PDS5B: variants seen among roughly 807,000 people sequenced by gnomAD.
The protein encoded by PDS5B is sister chromatid cohesion protein PDS5 homolog B.
PDS5B carries 51 observed loss-of-function variants against 184.1 expected under a neutral mutation model. That is an observed-to-expected ratio of 0.28 (90% CI 0.22 to 0.35). The LOEUF (loss-of-function observed/expected upper bound fraction) is 0.35. Among genes scored for constraint, PDS5B ranks in the 10% least tolerant of loss-of-function variants. The pLI is 1.00. For missense variants in PDS5B, 1,180 were observed against 1,723.3 expected, an observed-to-expected ratio of 0.68 and a Z score of 5.58; for synonymous variants, 566 against 569.2, an observed-to-expected ratio of 0.99 and a Z score of 0.08.
At chr13:32,634,477 T>C (rs747035784) in intron 1 of PDS5B, among the ~76,000 whole-genome samples, 2 of 152,228 alleles carry the variant, frequency 1.3e-5, no homozygotes, top group African/African-American at 2.4e-5. Context: ...TTATGAATAA[T>C]ACTGCCATGA....
intron 6 of PDS5B, among the ~76,000 whole-genome samples, chr13:32,663,124 TAGC>T (rs1388546607): frequency 6.6e-6 from 1 of 152,106 alleles, no homozygotes; most frequent in Admixed American, 6.6e-5. Flanking sequence ...GCAACGATAA[TAGC>T]AGCAAAAATA....
intron 22 of PDS5B, among the ~76,000 whole-genome samples, chr13:32,742,234 G>A (rs1266385012): frequency 6.6e-6 from 1 of 152,040 alleles, no homozygotes; most frequent in African/African-American, 2.4e-5. Flanking sequence ...AAATATGAGT[G>A]GTATCATTTT....
chr13:32,766,224 G>GTAC lies in PDS5B; in HGVS notation c.3624+1634_3624+1636dup, dbSNP rs535882311. 5.9e-3 allele frequency among the ~76,000 whole-genome samples: 901 copies of GTAC among 152,306 alleles called. 8 individuals carry two copies. Among genetic ancestry groups the GTAC allele is most frequent in the South Asian group, 0.027 (132 of 4,826 alleles). On this transcript the variant is annotated intron_variant, in intron 31 of 34. Coordinates refer to ENST00000315596, the MANE Select transcript of PDS5B (RefSeq NM_015032.4). ...GGTCACTCATACCCACACCTATAGTGTACTACACTTATACCTTGGTGTTCC... is the reference window on the plus strand; with the variant it reads ...GGTCACTCATACCCACACCTATAGTGTACTACTACACTTATACCTTGGTGTTCC...
chr13:32,636,850 G>C (rs1288321688), intron 1 of PDS5B, among the ~76,000 whole-genome samples: 1 of 152,236 alleles, frequency 6.6e-6, no homozygotes, highest in Non-Finnish European at 1.5e-5. Flanking sequence ...ATGCAGTCAA[G>C]ATTTTATTTA....
At chr13:32,674,781 G>T (rs1172190339) in intron 8 of PDS5B, among the ~76,000 whole-genome samples, 1 of 152,100 alleles carries the variant, frequency 6.6e-6, no homozygotes. Flanking sequence ...GGAACACAAA[G>T]AATTATAATT....
chr13:32,670,959 T>A (rs9591234), intron 7 of PDS5B, among the ~76,000 whole-genome samples: 1 of 152,306 alleles, frequency 6.6e-6, no homozygotes, highest in East Asian at 1.9e-4. Flanking sequence ...TTAGGAGACA[T>A]TTGCTGTACA....
chr13:32,587,336 T>A (rs983594870), intron 1 of PDS5B, among the ~76,000 whole-genome samples: 1 of 152,134 alleles, frequency 6.6e-6, no homozygotes, highest in African/African-American at 2.4e-5. Context: ...AGCCCAGCAC[T>A]GGCGTGGAGG....
chr13:32,664,417 A>T (rs1950730374), intron 6 of PDS5B, among the ~76,000 whole-genome samples: 1 of 152,250 alleles, frequency 6.6e-6, no homozygotes, highest in Non-Finnish European at 1.5e-5. Context: ...TTTAACCGTA[A>T]TGTGTATCAC....
intron 10 of PDS5B, 108 bp downstream of exon 10, chr13:32,679,037 C>T: frequency 1.8e-6 from 1 of 555,590 alleles, no homozygotes; most frequent in East Asian, 3.1e-5. Flanking sequence ...TAGGTGAAGT[C>T]TTGTTTTAGT....
At chr13:32,709,679 C>T (rs1188030467) in intron 18 of PDS5B, among the ~76,000 whole-genome samples, 1 of 151,936 alleles carries the variant, frequency 6.6e-6, no homozygotes, top group Non-Finnish European at 1.5e-5. Context: ...TAATCAAAAT[C>T]TAAATTATTT....
chr13:32,657,040 G>T (rs558312459), intron 3 of PDS5B, among the ~76,000 whole-genome samples: 1 of 152,356 alleles, frequency 6.6e-6, no homozygotes, highest in South Asian at 2.1e-4. Flanking sequence ...CAGATGAGAA[G>T]AATGTATATT....
chr13:32,680,836 A>G (rs772335360), intron 10 of PDS5B, among the ~76,000 whole-genome samples: 2 of 152,044 alleles, frequency 1.3e-5, no homozygotes, highest in African/African-American at 4.8e-5. Context: ...TCTGTTGCCC[A>G]GGCTGATTTT....
intron 19 of PDS5B, among the ~76,000 whole-genome samples, chr13:32,724,306 G>C (rs534351854): frequency 2.0e-5 from 3 of 151,902 alleles, no homozygotes; most frequent in Non-Finnish European, 4.4e-5. Flanking sequence ...TGTAGAGATG[G>C]AGTCTCTCAT....
rs535969110 is a variant in PDS5B at position 32,634,358 on chromosome 13, T to C, written c.-19-14396T>C. Among the ~76,000 whole-genome samples the C allele has an allele frequency of 5.3e-5, 8 of 151,044 alleles. No individual in the cohort carries two copies. The East Asian group carries it at 1.6e-3, about 30-fold the overall frequency. On this transcript the variant is annotated intron_variant, in intron 1 of 34. Transcript: ENST00000315596. Reference sequence around the variant, plus strand: ...GTATATGTACATGCACAGAATCTAGTTGATTCACTTTTGTTTCAGTACTTT... The same window carrying C: ...GTATATGTACATGCACAGAATCTAGCTGATTCACTTTTGTTTCAGTACTTT...
Position 32,775,067 on chromosome 13 carries a change from T to C in PDS5B, c.*15T>C. The C allele has an allele frequency of 1.3e-6, 2 of 1,580,554 alleles. No homozygotes were observed. The highest frequency in any genetic ancestry group is 1.7e-6 in the Non-Finnish European group (2 of 1,152,022). On this transcript the variant is annotated 3_prime_UTR_variant, in exon 35 of 35. Coordinates refer to ENST00000315596, the MANE Select transcript of PDS5B (RefSeq NM_015032.4). ...AACGGCGATGAACAAATGTAATTAA[T>C]AACTTTCTCTGTGAAAGCTTTGGAA... is the stretch of plus-strand genomic sequence containing the variant.
Position 32,755,933 on chromosome 13 carries a change from T to C in PDS5B, c.3033T>C (p.Ile1011=). 1 of 1,562,066 alleles carries C rather than the reference T, an allele frequency of 6.4e-7. No homozygotes were observed. The highest frequency in any genetic ancestry group is 8.8e-7 in the Non-Finnish European group (1 of 1,140,066). The change falls in exon 26 of 35, where the codon ATT becomes ATC. Residue 1011 remains isoleucine, a synonymous_variant. Coordinates refer to ENST00000315596, the MANE Select transcript of PDS5B (RefSeq NM_015032.4). Reference sequence around the variant, plus strand: ...CAGATTATGTCAAAGTACAGGATATTGAACAACTTAAAGATGTTAAAGAGT... The same window carrying C: ...CAGATTATGTCAAAGTACAGGATATCGAACAACTTAAAGATGTTAAAGAGT... The part of the protein sequence containing the change: ...HDPDYVKVQD[I]EQLKDVKECL...
intron 7 of PDS5B, among the ~76,000 whole-genome samples, chr13:32,670,814 A>G (rs1389672487): frequency 6.6e-6 from 1 of 152,158 alleles, no homozygotes. Flanking sequence ...GCTTAATTCC[A>G]CTGAGCCTCT....
At chr13:32,735,043 T>G in intron 20 of PDS5B, 129 bp from the exon 21 acceptor site, 1 of 528,560 alleles carries the variant, frequency 1.9e-6, no homozygotes, top group Admixed American at 3.9e-5. Flanking sequence ...ATTGAAATTT[T>G]TGTAGTTTTT....
intron 18 of PDS5B, among the ~76,000 whole-genome samples, chr13:32,708,740 A>G (rs1400099726): frequency 6.6e-6 from 1 of 152,038 alleles, no homozygotes; most frequent in African/African-American, 2.4e-5. Context: ...CCCTATGGTC[A>G]TTTTTATCCT....
Sources: gnomAD v4.1 joint callset for allele counts (sites outside exome capture counted in the v4.1 genomes callset) on GRCh38, gnomAD v4.1.1 for gene constraint, MANE v1.5 for transcripts, NCBI Gene and HGNC (gene_info 2026-07-23, HGNC 2026-07-21) for gene names.